Variants in FAAH2 observed in about 807,000 individuals in gnomAD.
The protein encoded by FAAH2 is fatty acid amide hydrolase 2.
A neutral mutation model predicts 36.9 loss-of-function variants in FAAH2; 60 were observed. The observed-to-expected ratio is 1.63, with a 90% CI of 1.32 to 2.02. FAAH2 has a LOEUF of 2.02. Ranked by LOEUF, FAAH2 falls within the 30% of genes most tolerant of loss-of-function variation. The pLI, the probability that FAAH2 is intolerant of heterozygous loss-of-function variation, is 0.00. For missense variants in FAAH2, 689 were observed against 397.5 expected (o/e 1.73, Z -6.23); for synonymous variants, 214 against 143.8 (o/e 1.49, Z -3.49).
the FAAH2 span, among the ~76,000 whole-genome samples, chrX:57,160,020 C>G: frequency 2.7e-5 from 3 of 111,982 alleles, no homozygotes; most frequent in African/African-American, 9.8e-5. Context: ...CCATCAATAC[C>G]AAATTTATTG....
chrX:57,442,424 A>T (rs1393899602), intron 8 of FAAH2, among the ~76,000 whole-genome samples: 3 of 111,016 alleles, frequency 2.7e-5, no homozygotes, highest in Non-Finnish European at 5.7e-5. Flanking sequence ...AGAGACTAGG[A>T]TTGCAACCTC....
chrX:57,143,417 T>C, the FAAH2 span, among the ~76,000 whole-genome samples: 1 of 110,660 alleles, frequency 9.0e-6, no homozygotes, highest in Admixed American at 9.7e-5. Flanking sequence ...CATCCCCCCT[T>C]ACGACTTTTT....
the FAAH2 span, among the ~76,000 whole-genome samples, chrX:57,246,383 G>A: frequency 1.8e-5 from 2 of 111,851 alleles, no homozygotes; most frequent in East Asian, 2.8e-4. Context: ...TAAGAGGTCA[G>A]CATCATCCTG....
At chrX:57,198,074 C>T in the FAAH2 span, among the ~76,000 whole-genome samples, 1 of 111,415 alleles carries the variant, frequency 9.0e-6, no homozygotes, top group South Asian at 3.8e-4. Context: ...CATGCTTGCC[C>T]TAAGGTGGCC....
At chrX:57,481,343 C>T (rs752307114) in intron 10 of FAAH2, among the ~76,000 whole-genome samples, 122 of 111,124 alleles carry the variant, frequency 1.1e-3, no homozygotes, top group Non-Finnish European at 1.5e-3. Context: ...ATTTTCAGTG[C>T]TTTTGTGCTG....
At chrX:57,392,995 G>C in intron 7 of FAAH2, 1 of 919,079 alleles carries the variant, frequency 1.1e-6, no homozygotes, top group East Asian at 3.1e-5. Context: ...GGGAGCTTGA[G>C]GTCATAAAGG....
chrX:57,426,285 G>C (rs2056160857), intron 7 of FAAH2, among the ~76,000 whole-genome samples: 2 of 111,622 alleles, frequency 1.8e-5, no homozygotes, highest in African/African-American at 6.5e-5. Flanking sequence ...TAGAACTAAG[G>C]AAAGATATAG....
At chrX:57,285,001 CA>C (rs2051790316), upstream of FAAH2, among the ~76,000 whole-genome samples, 1 of 112,197 alleles carries the variant, frequency 8.9e-6, no homozygotes, top group African/African-American at 3.2e-5. Context: ...AATAAAGTAA[CA>C]AAAGTTGGGC....
intron 7 of FAAH2, among the ~76,000 whole-genome samples, chrX:57,426,484 T>G (rs1031608077): frequency 1.8e-5 from 2 of 111,650 alleles, no homozygotes; most frequent in African/African-American, 6.5e-5. Context: ...TTCTCCAGGA[T>G]AGACCATATT....
intron 4 of FAAH2, among the ~76,000 whole-genome samples, chrX:57,336,708 G>A (rs1260080647): frequency 9.0e-6 from 1 of 111,689 alleles, no homozygotes; most frequent in Non-Finnish European, 1.9e-5. Context: ...TGAGAACAAA[G>A]ACACAATATA....
chrX:57,404,488 G>A (rs1272559166), intron 7 of FAAH2, among the ~76,000 whole-genome samples: 2 of 111,402 alleles, frequency 1.8e-5, no homozygotes, highest in Admixed American at 1.9e-4. Flanking sequence ...TTAAAGTACT[G>A]GGTTATCATT....
At chrX:57,307,466 A>G (rs1226149606) in intron 2 of FAAH2, among the ~76,000 whole-genome samples, 2 of 111,255 alleles carry the variant, frequency 1.8e-5, no homozygotes, top group African/African-American at 6.5e-5. Flanking sequence ...CTAGATTAAT[A>G]TTGTTCAATA....
the FAAH2 span, among the ~76,000 whole-genome samples, chrX:57,216,024 G>A: frequency 1.2e-4 from 13 of 108,012 alleles, no homozygotes; most frequent in South Asian, 4.2e-4. Flanking sequence ...GTGTGTACGC[G>A]TATGTGTGTG....
intron 2 of FAAH2, among the ~76,000 whole-genome samples, chrX:57,303,002 C>A (rs1247567958): frequency 2.7e-5 from 3 of 111,318 alleles, no homozygotes; most frequent in Non-Finnish European, 5.6e-5. Flanking sequence ...CCTTTATCAA[C>A]CTTCCCTTGG....
At chrX:57,179,661 A>G in the FAAH2 span, among the ~76,000 whole-genome samples, 1 of 111,787 alleles carries the variant, frequency 8.9e-6, no homozygotes, top group African/African-American at 3.3e-5. Flanking sequence ...ATCCCATACA[A>G]TAATAGTGGG....
chrX:57,203,741 C>T, the FAAH2 span, among the ~76,000 whole-genome samples: 1 of 112,303 alleles, frequency 8.9e-6, no homozygotes, highest in African/African-American at 3.2e-5. Flanking sequence ...CCTTTAAGCA[C>T]TCCAGTTCCT....
the FAAH2 span, chrX:57,137,000 T>C: frequency 7.9e-4 from 680 of 863,406 alleles, no homozygotes; most frequent in East Asian, 2.7e-3. Context: ...CCACTGCCTA[T>C]CCTAACCACT....
intron 8 of FAAH2, among the ~76,000 whole-genome samples, chrX:57,437,721 ATATAT>A (rs1442078412): frequency 1.2e-5 from 1 of 82,641 alleles, no homozygotes; most frequent in African/African-American, 4.9e-5. Context: ...TAACATATTT[ATATAT>A]TATATATTAT....
chrX:57,427,169 C>A (rs1283397403), intron 7 of FAAH2, among the ~76,000 whole-genome samples: 1 of 110,260 alleles, frequency 9.1e-6, no homozygotes, highest in Non-Finnish European at 1.9e-5. Flanking sequence ...AAACATACGA[C>A]CTCCTAAGAT....
Sources: allele counts gnomAD v4.1 joint callset (sites outside exome capture counted in the v4.1 genomes callset), GRCh38; gene constraint gnomAD v4.1.1; transcripts MANE v1.5; gene names NCBI Gene and HGNC (gene_info 2026-07-23, HGNC 2026-07-21).